The following FANCM variants were observed in gnomAD, a reference collection of about 807,000 sequenced individuals.
FANCM encodes FA complementation group M.
FANCM carries 140 observed loss-of-function variants against 199.5 expected under a neutral mutation model. That is an observed-to-expected ratio of 0.70 (90% confidence interval 0.61 to 0.81). FANCM has a LOEUF of 0.81. FANCM is among the 30% of genes least tolerant of loss of function. The pLI, the probability that FANCM is intolerant of heterozygous loss-of-function variation, is 0.00. For missense variants in FANCM, 2,410 were observed against 2,421.4 expected, an observed-to-expected ratio of 1.00 and a Z score of 0.10; for synonymous variants, 840 against 836.8, an observed-to-expected ratio of 1.00 and a Z score of -0.07.
chr14:45,177,126 G>A, intron 14 of FANCM, 150 bp downstream of exon 14: 1 of 604,746 alleles, frequency 1.7e-6, no homozygotes. Context: ...TTCTTAAGAT[G>A]ATCTTACTAA....
intron 12 of FANCM, among the ~76,000 whole-genome samples, chr14:45,171,718 TG>T (rs1888355069): frequency 2.6e-5 from 4 of 151,712 alleles, no homozygotes; most frequent in Non-Finnish European, 4.4e-5. Flanking sequence ...TGTGTGTGTG[TG>T]TGTGCATGTG....
Position 45,188,845 on chromosome 14 carries a change from T to C in FANCM, c.4823T>C (p.Val1608Ala), listed in dbSNP as rs1299955120. ...DETYLEDSFC[V>A]DEEESCKGQS... Reference sequence around the variant, plus strand: ...ACCTATTTAGAGGATAGTTTTTGTGTTGATGAAGAGGAGTCTTGCAAAGGC... The same window carrying C: ...ACCTATTTAGAGGATAGTTTTTGTGCTGATGAAGAGGAGTCTTGCAAAGGC... The change falls in exon 20 of 23, where the codon GTT becomes GCT. Residue 1608 changes from valine to alanine, a missense_variant. Transcript: ENST00000267430. 3.1e-6 allele frequency: 5 copies of C among 1,613,414 alleles called. No individual in the cohort carries two copies. Among genetic ancestry groups the C allele is most frequent in the Non-Finnish European group, 4.2e-6 (5 of 1,179,880 alleles).
At chr14:45,190,594 CTA>C (rs1889701780) in intron 20 of FANCM, among the ~76,000 whole-genome samples, 1 of 152,142 alleles carries the variant, frequency 6.6e-6, no homozygotes, top group African/African-American at 2.4e-5. Context: ...TTACTAACCA[CTA>C]TTCTGCTCTC....
intron 20 of FANCM, among the ~76,000 whole-genome samples, chr14:45,189,967 CAAA>C (rs1159340500): frequency 3.1e-4 from 27 of 87,750 alleles, no homozygotes; most frequent in Non-Finnish European, 4.7e-4. Context: ...GACTCCATCT[CAAA>C]AAAAAAAAAA....
chr14:45,145,777 T>A (rs1323177065), intron 3 of FANCM, among the ~76,000 whole-genome samples: 1 of 150,400 alleles, frequency 6.6e-6, no homozygotes, highest in Non-Finnish European at 1.5e-5. Flanking sequence ...TACAAAAAAA[T>A]GGCCGGGCGC....
chr14:45,169,039 A>C (rs1388574646), intron 11 of FANCM, among the ~76,000 whole-genome samples: 2 of 151,974 alleles, frequency 1.3e-5, no homozygotes, highest in Non-Finnish European at 2.9e-5. Flanking sequence ...CTCCTGCCTC[A>C]GCCTCCCAAG....
At chr14:45,188,761 G>T (rs1282512065) in intron 19 of FANCM, 41 bp from the exon 20 acceptor site, 1 of 1,422,166 alleles carries the variant, frequency 7.0e-7, no homozygotes, top group Non-Finnish European at 9.9e-7. Flanking sequence ...CCTGTTAATT[G>T]TCTGAAATAA....
At chr14:45,147,184 A>G (rs1016674692) in intron 3 of FANCM, among the ~76,000 whole-genome samples, 5 of 152,186 alleles carry the variant, frequency 3.3e-5, no homozygotes, top group African/African-American at 4.8e-5. Flanking sequence ...GCCAGTGATT[A>G]TGGTGTGCCG....
At position 45,175,274 on chromosome 14, in the gene FANCM, TAAAC is replaced by T. The variant is rs752136594; in HGVS notation, c.2525_2528del (p.Gln842LeufsTer11). 8 of 1,600,574 alleles carry T rather than the reference TAAAC, an allele frequency of 5.0e-6. No individual in the cohort carries two copies. Among genetic ancestry groups the T allele is most frequent in the East Asian group, 4.5e-5 (2 of 44,686 alleles). Reference sequence around the variant, plus strand: ...CTGATGAAGAATGTGCTGAAATTGTTAAACAAACTCATATCAAACCTACTAAAAT... The same window carrying T: ...CTGATGAAGAATGTGCTGAAATTGTTAAACTCATATCAAACCTACTAAAAT... On this transcript the variant is annotated frameshift_variant, in exon 14 of 23. Transcript: ENST00000267430. LOFTEE classifies it high-confidence loss of function.
In FANCM at chr14:45,140,610, AAAG is replaced by A; in HGVS notation, c.682-19_682-17del. ...ATTTTTGCATTGAACAGATGAAACT[AAAG>A]AACTTTTTTTTTCTTAAGGTTGTAA... On this transcript the variant is annotated intron_variant, in intron 2 of 22. Coordinates refer to ENST00000267430, the MANE Select transcript of FANCM (RefSeq NM_020937.4). The A allele has an allele frequency of 7.2e-7, 1 of 1,393,640 alleles. No individual in the cohort carries two copies. Among genetic ancestry groups the A allele is most frequent in the Non-Finnish European group, 1.0e-6 (1 of 982,900 alleles). 86.3% of individuals were successfully genotyped at this position (1,393,640 alleles called of 1,614,324 possible).
intron 20 of FANCM, among the ~76,000 whole-genome samples, chr14:45,191,167 A>C (rs758136278): frequency 2.0e-5 from 3 of 152,132 alleles, no homozygotes; most frequent in Non-Finnish European, 4.4e-5. Context: ...ATCCAGTGGG[A>C]CATTCATCTC....
Position 45,137,084 on chromosome 14 carries a change from C to T in FANCM, c.524C>T (p.Ser175Phe), listed in dbSNP as rs10138997. The T allele has an allele frequency of 0.081, 130,058 of 1,611,518 alleles. 10,272 individuals carry two copies. Among genetic ancestry groups the T allele is most frequent in the African/African-American group, 0.41 (30,371 of 74,774 alleles). The change falls in exon 2 of 23, where the codon TCC (serine) becomes TTC (phenylalanine). Residue 175 changes from serine (S) to phenylalanine (F), a missense_variant. Coordinates refer to ENST00000267430, the MANE Select transcript of FANCM (RefSeq NM_020937.4). ...MAEMTGSTQA[S>F]TRKEIWCSKR... ...TTATTTTCAGGGTCTACACAAGCTTCCACCAGGAAGGAAATATGGTGCAGT... is the reference window on the plus strand; with the variant it reads ...TTATTTTCAGGGTCTACACAAGCTTTCACCAGGAAGGAAATATGGTGCAGT...
At chr14:45,148,779 C>T in intron 3 of FANCM, 58 bp from the exon 4 acceptor site, 2 of 1,267,658 alleles carry the variant, frequency 1.6e-6, no homozygotes, top group Non-Finnish European at 2.3e-6. Context: ...CTGTTAGTGA[C>T]TTAAACTAAA....
At position 45,155,456 on chromosome 14, in the gene FANCM, A is replaced by T. The variant is rs776166350; in HGVS notation, c.1393A>T (p.Asn465Tyr). 6 of 1,452,252 alleles carry T rather than the reference A, an allele frequency of 4.1e-6. No homozygotes were observed. Among genetic ancestry groups the T allele is most frequent in the East Asian group, 2.3e-5 (1 of 43,940 alleles). 90.0% of individuals were successfully genotyped at this position (1,452,252 alleles called of 1,614,324 possible). ...TGTAATTGAACACTTCAAGTCATGG[A>T]ATGGTAGGTCATATTTAGTAGCTTT... The part of the protein sequence containing the change: ...EVVIEHFKSW[N>Y]AENTTEKKRD... Residue 465 changes from asparagine to tyrosine, a missense_variant, in exon 8 of 23, where the codon AAT (asparagine) becomes TAT (tyrosine). Transcript: ENST00000267430.
Position 45,135,974 on chromosome 14 carries a change from C to G in FANCM, c.-58C>G, listed in dbSNP as rs555769036. On this transcript the variant is annotated 5_prime_UTR_variant, in exon 1 of 23. Coordinates refer to ENST00000267430, the MANE Select transcript of FANCM (RefSeq NM_020937.4). ...AAACCGATGGGGATCGGAACCGTAGCGGTTGAGCTGCTGCTGCTACGGATA... is the reference window on the plus strand; with the variant it reads ...AAACCGATGGGGATCGGAACCGTAGGGGTTGAGCTGCTGCTGCTACGGATA... The G allele has an allele frequency of 3.2e-6, 5 of 1,585,286 alleles. No homozygotes were observed. The Admixed American group carries it at 5.0e-5, about 16-fold the overall frequency.
rs148304968 is a variant in FANCM at position 45,175,750 on chromosome 14, C to T, written c.2996C>T (p.Pro999Leu). The change falls in exon 14 of 23, where the codon CCG (proline) becomes CTG (leucine). Residue 999 changes from proline to leucine, a missense_variant. Transcript: ENST00000267430. Reference protein sequence around the residue: ...NVERFLSYSPPPLSGLSDLEY... With the variant: ...NVERFLSYSPLPLSGLSDLEY... Reference sequence around the variant, plus strand: ...GAGAGATTTTTATCTTATTCTCCTCCGCCTCTCAGTGGACTCTCAGACTTG... The same window carrying T: ...GAGAGATTTTTATCTTATTCTCCTCTGCCTCTCAGTGGACTCTCAGACTTG... 218 of 1,613,628 alleles carry T rather than the reference C, an allele frequency of 1.4e-4. 1 individual carries two copies. In the African/African-American group the frequency reaches 1.5e-3, roughly 11 times the overall value.
chr14:45,181,569 A>G (rs2139270585), intron 15 of FANCM, 45 bp downstream of exon 15: 2 of 1,526,232 alleles, frequency 1.3e-6, no homozygotes, highest in Non-Finnish European at 1.8e-6. Context: ...ATCAAAGGCT[A>G]TTTTCCTTTT....
At chr14:45,137,954 G>A (rs1316781048) in intron 2 of FANCM, 1 of 150,494 alleles carries the variant, frequency 6.6e-6, no homozygotes, top group Admixed American at 6.6e-5. Context: ...TAAAGACAGA[G>A]TATCTAATGA....
chr14:45,168,557 T>C (rs991999426), intron 11 of FANCM, among the ~76,000 whole-genome samples: 4 of 151,152 alleles, frequency 2.6e-5, no homozygotes, highest in African/African-American at 4.8e-5. Context: ...TGTTAACTTA[T>C]GTTCATTTTT....
Sources: gnomAD v4.1 joint callset for allele counts (sites outside exome capture counted in the v4.1 genomes callset) on GRCh38, gnomAD v4.1.1 for gene constraint, MANE v1.5 for transcripts, NCBI Gene and HGNC (gene_info 2026-07-23, HGNC 2026-07-21) for gene names.